Variants in PRKN observed in about 807,000 individuals in gnomAD.
PRKN encodes parkin RBR E3 ubiquitin protein ligase, also known as E3 ubiquitin-protein ligase parkin.
Under a neutral mutation model 59.5 loss-of-function variants are expected in PRKN, and 56 were observed. The observed-to-expected ratio is 0.94, with a 90% CI of 0.76 to 1.18. The LOEUF is 1.18. Ranked by LOEUF, PRKN falls within the 50% of genes most tolerant of loss-of-function variation. PRKN has a pLI of 0.00. For synonymous variants in PRKN, 250 were observed against 222.1 expected, an observed-to-expected ratio of 1.13 and a Z score of -1.12; for missense variants, 657 against 596.4, an observed-to-expected ratio of 1.10 and a Z score of -1.06.
chr6:161,866,200 G>C (rs936356189), intron 6 of PRKN, among the ~76,000 whole-genome samples: 2 of 152,064 alleles, frequency 1.3e-5, no homozygotes, highest in Admixed American at 6.6e-5. Context: ...GCAAACAATT[G>C]CAACAGTAAC....
chr6:162,196,362 G>A (rs1441203686), intron 4 of PRKN, among the ~76,000 whole-genome samples: 1 of 152,118 alleles, frequency 6.6e-6, no homozygotes, highest in African/African-American at 2.4e-5. Context: ...ACAATGACAT[G>A]AGTTATTTTA....
chr6:162,232,905 A>G (rs901789920), intron 3 of PRKN, among the ~76,000 whole-genome samples: 3 of 151,356 alleles, frequency 2.0e-5, no homozygotes, highest in African/African-American at 7.3e-5. Context: ...ATTAACAGAG[A>G]TCAATATTTA....
At chr6:162,435,023 A>T (rs1323093966) in intron 2 of PRKN, among the ~76,000 whole-genome samples, 3 of 152,344 alleles carry the variant, frequency 2.0e-5, no homozygotes, top group East Asian at 1.9e-4. Flanking sequence ...GCAAAATCTC[A>T]GATAACATCA....
intron 2 of PRKN, among the ~76,000 whole-genome samples, chr6:162,321,951 TAA>T (rs1323107946): frequency 6.6e-6 from 1 of 152,014 alleles, no homozygotes; most frequent in East Asian, 1.9e-4. Context: ...GCCTTAATGT[TAA>T]GTCTTACAAC....
At chr6:161,563,503 GAT>G (rs1360740270) in intron 8 of PRKN, among the ~76,000 whole-genome samples, 1 of 152,144 alleles carries the variant, frequency 6.6e-6, no homozygotes, top group East Asian at 1.9e-4. Context: ...CCTACAATGT[GAT>G]AATGTCTTTG....
chr6:161,911,073 C>T (rs973041137), intron 6 of PRKN, among the ~76,000 whole-genome samples: 7 of 152,088 alleles, frequency 4.6e-5, no homozygotes, highest in Admixed American at 4.6e-4. Context: ...TGCATTTTCT[C>T]CAAGGTATAC....
chr6:161,728,440 C>T (rs1787540068), intron 7 of PRKN, among the ~76,000 whole-genome samples: 1 of 152,160 alleles, frequency 6.6e-6, no homozygotes, highest in South Asian at 2.1e-4. Context: ...ACCAGACTCG[C>T]ACTGCACCTG....
At chr6:161,709,423 G>A (rs1332803498) in intron 7 of PRKN, among the ~76,000 whole-genome samples, 1 of 151,944 alleles carries the variant, frequency 6.6e-6, no homozygotes, top group Non-Finnish European at 1.5e-5. Context: ...AGAAAAAGTA[G>A]AAACATTTCT....
At chr6:161,486,354 A>G (rs1435093717) in intron 9 of PRKN, among the ~76,000 whole-genome samples, 1 of 152,174 alleles carries the variant, frequency 6.6e-6, no homozygotes, top group Non-Finnish European at 1.5e-5. Flanking sequence ...TGCTAAGAGT[A>G]TGTATATGTT....
At chr6:161,814,925 G>A (rs1349451117) in intron 6 of PRKN, among the ~76,000 whole-genome samples, 1 of 152,148 alleles carries the variant, frequency 6.6e-6, no homozygotes, top group Admixed American at 6.5e-5. Flanking sequence ...ATGACACATG[G>A]GAATTATGGG....
intron 1 of PRKN, among the ~76,000 whole-genome samples, chr6:162,521,793 G>C (rs73591833): frequency 0.018 from 2,786 of 152,122 alleles, 85 homozygotes; most frequent in African/African-American, 0.063. Context: ...ATATTATATG[G>C]TTCAAATTGT....
intron 9 of PRKN, among the ~76,000 whole-genome samples, chr6:161,406,620 GT>G (rs1371518951): frequency 1.3e-5 from 2 of 152,122 alleles, no homozygotes; most frequent in Non-Finnish European, 2.9e-5. Flanking sequence ...AAGGAAATAT[GT>G]TTTGGGTTAA....
At chr6:162,346,364 T>G (rs965280062) in intron 2 of PRKN, among the ~76,000 whole-genome samples, 1 of 151,092 alleles carries the variant, frequency 6.6e-6, no homozygotes, top group African/African-American at 2.4e-5. Flanking sequence ...ACCTGTAATC[T>G]CAGCACTTTG....
Position 161,562,517 on chromosome 6 carries a change from G to T in PRKN, c.933+6838C>A, listed in dbSNP as rs1315393038. ...GGGTTTAAAATTTCCTCTACATGCTGGTAATTCCAAAGTTATCTCTCCATC... is the reference window on the plus strand; with the variant it reads ...GGGTTTAAAATTTCCTCTACATGCTTGTAATTCCAAAGTTATCTCTCCATC... On this transcript the variant is annotated intron_variant, in intron 8 of 11. Transcript: ENST00000366898. This position sits in a 1 kb window ranked among gnomAD's most constrained non-coding sequence, Gnocchi z 4.3. Among the ~76,000 whole-genome samples, 1 of 152,118 alleles carries T rather than the reference G, an allele frequency of 6.6e-6. No individual in the cohort carries two copies. The highest frequency in any genetic ancestry group is 1.5e-5 in the Non-Finnish European group (1 of 68,032).
intron 9 of PRKN, among the ~76,000 whole-genome samples, chr6:161,431,814 T>A (rs1788660010): frequency 6.6e-6 from 1 of 152,112 alleles, no homozygotes; most frequent in Non-Finnish European, 1.5e-5. Context: ...GGTTTCACCA[T>A]ATTGGCCAGG....
chr6:162,283,397 T>C (rs1781011539), intron 2 of PRKN, among the ~76,000 whole-genome samples: 1 of 152,204 alleles, frequency 6.6e-6, no homozygotes, highest in African/African-American at 2.4e-5. Context: ...TATGTATGCA[T>C]GGTTTTATGT....
intron 6 of PRKN, among the ~76,000 whole-genome samples, chr6:161,935,572 G>A (rs866852187): frequency 2.3e-3 from 289 of 123,162 alleles, no homozygotes; most frequent in African/African-American, 7.6e-3. Flanking sequence ...AAAAAAAAAA[G>A]AAGAAGAAGA....
intron 3 of PRKN, among the ~76,000 whole-genome samples, chr6:162,260,053 A>C (rs77936607): frequency 0.063 from 9,656 of 152,274 alleles, 426 homozygotes; most frequent in Middle Eastern, 0.14. Flanking sequence ...CAGATGCAAC[A>C]TATCTTTACA....
At chr6:162,237,510 G>A (rs979590562) in intron 3 of PRKN, among the ~76,000 whole-genome samples, 2 of 152,102 alleles carry the variant, frequency 1.3e-5, no homozygotes, top group Non-Finnish European at 2.9e-5. Flanking sequence ...ACTTTGTTAG[G>A]AATGAGAAGT....
Sources: gnomAD v4.1 joint callset for allele counts (sites outside exome capture counted in the v4.1 genomes callset) on GRCh38, gnomAD v4.1.1 for gene constraint, Gnocchi (gnomAD v3.1) non-coding constraint, MANE v1.5 for transcripts, NCBI Gene and HGNC (gene_info 2026-07-23, HGNC 2026-07-21) for gene names.